Variants in TDRD3 observed in about 807,000 individuals in gnomAD.
The protein encoded by TDRD3 is tudor domain-containing protein 3.
Under a neutral mutation model 86.7 loss-of-function variants are expected in TDRD3, and 45 were observed. The observed-to-expected ratio is 0.52, with a 90% CI of 0.41 to 0.67. TDRD3 has a LOEUF of 0.67. Among genes scored for constraint, TDRD3 ranks in the 30% least tolerant of loss-of-function variants. TDRD3 has a pLI of 0.00. For missense variants in TDRD3, 814 were observed against 889.0 expected (o/e 0.92, Z 1.07); for synonymous variants, 298 against 301.7 (o/e 0.99, Z 0.13).
intron 3 of TDRD3, among the ~76,000 whole-genome samples, chr13:60,453,481 ACTTTC>A (rs1034323587): frequency 7.3e-6 from 1 of 137,440 alleles, no homozygotes; most frequent in Admixed American, 7.4e-5. Flanking sequence ...CTCTAGCAAC[ACTTTC>A]CTTTAATCAG....
chr13:60,535,143 G>C lies in TDRD3; in HGVS notation c.2028G>C (p.Ser676=), dbSNP rs866623364. Residue 676 remains serine (S), a synonymous_variant, in exon 12 of 14, where the codon TCG becomes TCC. Coordinates refer to ENST00000377881, the MANE Select transcript of TDRD3 (RefSeq NM_001146070.2). The part of the protein sequence containing the change: ...YRAEVEALHS[S]GMTAVVKFID... Reference sequence around the variant, plus strand: ...CAGAAGTTGAAGCCCTCCATTCTTCGGGTATGACAGCAGTTGTTAAATTCA... The same window carrying C: ...CAGAAGTTGAAGCCCTCCATTCTTCCGGTATGACAGCAGTTGTTAAATTCA... 1.9e-6 allele frequency: 3 copies of C among 1,613,530 alleles called. No homozygotes were observed. Among genetic ancestry groups the C allele is most frequent in the South Asian group, 1.1e-5 (1 of 91,072 alleles).
At chr13:60,522,707 G>A (rs562474434) in intron 10 of TDRD3, among the ~76,000 whole-genome samples, 8 of 152,244 alleles carry the variant, frequency 5.3e-5, no homozygotes, top group South Asian at 2.1e-4. Flanking sequence ...GTTTTTCTGC[G>A]TTAATAGAAA....
rs202105603 is a variant in TDRD3, at chr13:60,516,737, A to ACAGCAG, written c.1141+5986_1141+5991dup. 3.7e-4 allele frequency among the ~76,000 whole-genome samples: 56 copies of ACAGCAG among 152,348 alleles called. No homozygotes were observed. The East Asian group carries it at 0.01, about 27-fold the overall frequency. On this transcript the variant is annotated intron_variant, in intron 10 of 13. Transcript: ENST00000377881. ...CTAAGCCTAGTGCTTGGCATCAGCA[A>ACAGCAG]CAGCAGCAGATGCAACAGCATCCTC... is the stretch of plus-strand genomic sequence containing the variant.
intron 11 of TDRD3, among the ~76,000 whole-genome samples, 181 bp from the exon 12 acceptor site, chr13:60,534,927 C>CAAAAAAAA (rs75394722): frequency 7.3e-5 from 4 of 54,730 alleles, no homozygotes; most frequent in African/African-American, 1.3e-4. Context: ...GACCCTGTCT[C>CAAAAAAAA]AAAAAAAAAA....
At chr13:60,501,443 AT>A (rs1263725429) in intron 8 of TDRD3, among the ~76,000 whole-genome samples, 2 of 152,216 alleles carry the variant, frequency 1.3e-5, no homozygotes, top group Non-Finnish European at 2.9e-5. Flanking sequence ...AAACACTAAT[AT>A]AAATGGAACA....
At chr13:60,467,527 C>CT in intron 5 of TDRD3, 148 bp downstream of exon 5, 1 of 869,718 alleles carries the variant, frequency 1.1e-6, no homozygotes. Flanking sequence ...CTATCTTTGT[C>CT]TAAGTGTATT....
intron 13 of TDRD3, among the ~76,000 whole-genome samples, chr13:60,572,511 G>C (rs17058233): frequency 0.029 from 4,427 of 152,224 alleles, 246 homozygotes; most frequent in African/African-American, 0.1. Context: ...TGCATGTCCT[G>C]CTGTGAAAAG....
At chr13:60,529,255 G>T (rs749050202) in intron 11 of TDRD3, 38 bp downstream of exon 11, 1 of 1,516,188 alleles carries the variant, frequency 6.6e-7, no homozygotes, top group Non-Finnish European at 8.8e-7. Flanking sequence ...CTAATATTAC[G>T]AAATGTAACA....
chr13:60,554,733 G>A (rs925563723), intron 12 of TDRD3, among the ~76,000 whole-genome samples: 1 of 152,158 alleles, frequency 6.6e-6, no homozygotes, highest in Non-Finnish European at 1.5e-5. Context: ...AGGAGAAATA[G>A]CTTCATCCTT....
At chr13:60,564,386 G>C (rs1408885768) in intron 12 of TDRD3, among the ~76,000 whole-genome samples, 1 of 152,156 alleles carries the variant, frequency 6.6e-6, no homozygotes, top group Non-Finnish European at 1.5e-5. Flanking sequence ...CTAGCTTACA[G>C]GTAGATTTTA....
rs141762044 is a variant in TDRD3, at chr13:60,422,943, G to T, written c.42-16745G>T. Among the ~76,000 whole-genome samples, 18 of 152,172 alleles carry T rather than the reference G, an allele frequency of 1.2e-4. No homozygotes were observed. The East Asian group carries it at 2.9e-3, about 24-fold the overall frequency. ...GGAAAAAGATGTAAATCCACACATTGAAAGTATGTCAAGTGCAATGAAAGA... is the reference window on the plus strand; with the variant it reads ...GGAAAAAGATGTAAATCCACACATTTAAAGTATGTCAAGTGCAATGAAAGA... On this transcript the variant is annotated intron_variant, in intron 1 of 13. Coordinates refer to ENST00000377881, the MANE Select transcript of TDRD3 (RefSeq NM_001146070.2).
intron 12 of TDRD3, among the ~76,000 whole-genome samples, chr13:60,543,224 C>G (rs1957857650): frequency 6.6e-6 from 1 of 152,104 alleles, no homozygotes; most frequent in Non-Finnish European, 1.5e-5. Flanking sequence ...GTAAACAACC[C>G]AGACCATCAT....
chr13:60,502,557 C>T (rs1956856153), intron 8 of TDRD3, among the ~76,000 whole-genome samples: 1 of 152,108 alleles, frequency 6.6e-6, no homozygotes, highest in Non-Finnish European at 1.5e-5. Context: ...TTTGATGGAA[C>T]TCTGTTCCAC....
intron 3 of TDRD3, among the ~76,000 whole-genome samples, chr13:60,449,988 A>G (rs111395800): frequency 5.9e-5 from 9 of 152,036 alleles, no homozygotes; most frequent in African/African-American, 2.2e-4. Flanking sequence ...GTGAATTCTA[A>G]TAATTCTTGT....
At chr13:60,400,703 A>T (rs1020798527) in intron 1 of TDRD3, among the ~76,000 whole-genome samples, 1 of 150,456 alleles carries the variant, frequency 6.6e-6, no homozygotes, top group Non-Finnish European at 1.5e-5. Context: ...GCACCATTGC[A>T]CTCCATCCTG....
chr13:60,492,066 G>A (rs1728533583), intron 7 of TDRD3, among the ~76,000 whole-genome samples: 1 of 152,164 alleles, frequency 6.6e-6, no homozygotes, highest in Non-Finnish European at 1.5e-5. Context: ...TATTTAGGTT[G>A]TGATGGTTCT....
At chr13:60,496,281 A>G (rs1187873755) in intron 8 of TDRD3, among the ~76,000 whole-genome samples, 1 of 115,146 alleles carries the variant, frequency 8.7e-6, no homozygotes, top group Admixed American at 9.8e-5. Flanking sequence ...AATACTTAAC[A>G]AACTCCCATA....
intron 5 of TDRD3, among the ~76,000 whole-genome samples, chr13:60,481,205 G>T (rs1158362784): frequency 6.6e-6 from 1 of 152,130 alleles, no homozygotes; most frequent in African/African-American, 2.4e-5. Context: ...TAATTATGAT[G>T]TACCTAACAT....
chr13:60,444,656 A>G (rs1351038277), intron 2 of TDRD3, 27 bp from the exon 3 acceptor site: 4 of 1,213,090 alleles, frequency 3.3e-6, no homozygotes, highest in Non-Finnish European at 4.5e-6. Flanking sequence ...CTATAATTCC[A>G]TTTTAATAAT....
Sources: allele counts gnomAD v4.1 joint callset (sites outside exome capture counted in the v4.1 genomes callset), GRCh38; gene constraint gnomAD v4.1.1; transcripts MANE v1.5; gene names NCBI Gene and HGNC (gene_info 2026-07-23, HGNC 2026-07-21).